The following TRMT11 variants were observed in gnomAD, a reference collection of about 807,000 sequenced individuals.
The protein encoded by TRMT11 is tRNA (guanine(10)-N(2))-methyltransferase TRMT11.
Under a neutral mutation model 62.8 loss-of-function variants are expected in TRMT11, and 53 were observed. The observed-to-expected ratio is 0.84, with a 90% confidence interval of 0.68 to 1.06. The LOEUF (loss-of-function observed/expected upper bound fraction) is 1.06, where lower values mean the gene tolerates loss of function less well. Ranked by LOEUF, TRMT11 falls within the 50% of genes least tolerant of loss-of-function variation. The pLI, the probability that TRMT11 is intolerant of heterozygous loss-of-function variation, is 0.00. For synonymous variants in TRMT11, 188 were observed against 190.3 expected (o/e 0.99, Z 0.10); for missense variants, 556 against 553.4 (o/e 1.00, Z -0.05).
intron 12 of TRMT11, among the ~76,000 whole-genome samples, chr6:126,038,487 T>G (rs758793454): frequency 1.7e-4 from 26 of 150,304 alleles, no homozygotes; most frequent in Admixed American, 2.0e-4. Context: ...TACAGAGGTC[T>G]TTTGTGAGGC....
intron 9 of TRMT11, 81 bp downstream of exon 9, chr6:126,011,498 A>G (rs1035632509): frequency 9.7e-6 from 12 of 1,232,762 alleles, no homozygotes; most frequent in Admixed American, 2.3e-5. Context: ...ATTTACCAAC[A>G]CATGCACAAA....
At chr6:126,207,265 G>C (rs561046095), downstream of TRMT11, among the ~76,000 whole-genome samples, 23 of 152,258 alleles carry the variant, frequency 1.5e-4, no homozygotes, top group South Asian at 1.2e-3. Context: ...GAATTGTTTT[G>C]TTTGGAGGTG....
the TRMT11 span, among the ~76,000 whole-genome samples, chr6:126,269,965 T>A: frequency 6.6e-6 from 1 of 152,178 alleles, no homozygotes; most frequent in Non-Finnish European, 1.5e-5. Flanking sequence ...AGAACACTTC[T>A]CTGAGTATAC....
At chr6:126,219,996 C>A in the TRMT11 span, among the ~76,000 whole-genome samples, 8 of 152,104 alleles carry the variant, frequency 5.3e-5, no homozygotes, top group South Asian at 2.1e-4. Context: ...CTGGCTTATT[C>A]TTTGTGTAAC....
In TRMT11 at chr6:125,994,322, T is replaced by A. The variant is rs564525924; in HGVS notation, c.138+500T>A. Among the ~76,000 whole-genome samples, 437 of 152,232 alleles carry A rather than the reference T, an allele frequency of 2.9e-3. 1 individual carries two copies. The highest frequency in any genetic ancestry group is 9.8e-3 in the African/African-American group (408 of 41,550). Reference sequence around the variant, plus strand: ...GATGCTGCCTTCCAGTCTTTTTTTTTTTCGTGTACTTTTTTTTCCCTATTG... The same window carrying A: ...GATGCTGCCTTCCAGTCTTTTTTTTATTCGTGTACTTTTTTTTCCCTATTG... On this transcript the variant is annotated intron_variant, in intron 2 of 12. Coordinates refer to ENST00000334379, the MANE Select transcript of TRMT11 (RefSeq NM_001031712.3).
intron 16 of TRMT11, among the ~76,000 whole-genome samples, chr6:126,046,020 G>T (rs916199405): frequency 1.7e-4 from 26 of 152,012 alleles, no homozygotes; most frequent in African/African-American, 4.8e-4. Context: ...CTAGTATTTG[G>T]TCTTTTACTG....
intron 12 of TRMT11, among the ~76,000 whole-genome samples, chr6:126,038,443 A>AAG (rs1436385973): frequency 4.0e-5 from 6 of 150,248 alleles, no homozygotes; most frequent in African/African-American, 1.5e-4. Context: ...GAGGCAAAAA[A>AAG]AAAAAAAAAA....
chr6:126,258,633 A>G, the TRMT11 span, among the ~76,000 whole-genome samples: 700 of 152,222 alleles, frequency 4.6e-3, 5 homozygotes, highest in African/African-American at 0.015. Context: ...GAACTTATCC[A>G]TTTCTTCTAT....
intron 17 of TRMT11, among the ~76,000 whole-genome samples, chr6:126,079,153 A>C (rs913298883): frequency 2.3e-4 from 35 of 152,152 alleles, no homozygotes; most frequent in African/African-American, 8.0e-4. Flanking sequence ...TAAACATGAA[A>C]ATCCCAGGAC....
chr6:126,092,819 C>T (rs1268861195), intron 17 of TRMT11, among the ~76,000 whole-genome samples: 1 of 152,072 alleles, frequency 6.6e-6, no homozygotes, highest in African/African-American at 2.4e-5. Flanking sequence ...TATTTGCTGG[C>T]TGATCAATTG....
chr6:126,222,262 C>A, the TRMT11 span, among the ~76,000 whole-genome samples: 1 of 152,024 alleles, frequency 6.6e-6, no homozygotes, highest in Non-Finnish European at 1.5e-5. Context: ...CTGCTTTGTT[C>A]TTTTTGCTTA....
rs947063505 is a variant in TRMT11, at chr6:126,129,326, G to A, written c.*1823+13471G>A. Reference sequence around the variant, plus strand: ...TAGTGTTGTGATTAGGATTAAATGAGTTAATGCATGTGAAGTGTTGGAACA... The same window carrying A: ...TAGTGTTGTGATTAGGATTAAATGAATTAATGCATGTGAAGTGTTGGAACA... On this transcript the variant is annotated intron_variant and NMD_transcript_variant, in intron 21 of 22. Transcript: ENST00000648977. Among the ~76,000 whole-genome samples the A allele has an allele frequency of 2.3e-4, 35 of 152,076 alleles. 1 individual carries two copies. Among genetic ancestry groups the A allele is most frequent in the Admixed American group, 2.1e-3 (32 of 15,266 alleles).
At chr6:126,068,814 TTTTC>T (rs1375425055) in intron 17 of TRMT11, among the ~76,000 whole-genome samples, 1 of 152,216 alleles carries the variant, frequency 6.6e-6, no homozygotes, top group African/African-American at 2.4e-5. Flanking sequence ...ATCCATCTTT[TTTTC>T]TTTCTGTTTT....
chr6:126,082,959 T>C (rs1217864967), intron 17 of TRMT11, among the ~76,000 whole-genome samples: 1 of 152,078 alleles, frequency 6.6e-6, no homozygotes, highest in Admixed American at 6.6e-5. Context: ...GCAAACCACA[T>C]ATCTCATAAG....
At chr6:126,133,147 G>A (rs138895825) in intron 21 of TRMT11, among the ~76,000 whole-genome samples, 3,028 of 152,054 alleles carry the variant, frequency 0.02, 42 homozygotes, top group Middle Eastern at 0.082. Context: ...AATTGAGAAT[G>A]TACAAGGTTT....
the TRMT11 span, among the ~76,000 whole-genome samples, chr6:126,249,457 A>G: frequency 1.3e-5 from 2 of 152,114 alleles, no homozygotes; most frequent in Non-Finnish European, 2.9e-5. Flanking sequence ...ATATTGTAAA[A>G]GCTGGTTTTG....
At chr6:126,069,229 A>G (rs1776777123) in intron 17 of TRMT11, among the ~76,000 whole-genome samples, 1 of 152,216 alleles carries the variant, frequency 6.6e-6, no homozygotes, top group Non-Finnish European at 1.5e-5. Context: ...GCCACATGCT[A>G]CAACAGCAGT....
chr6:126,176,398 T>A (rs1731126150), upstream of TRMT11, among the ~76,000 whole-genome samples: 3 of 148,010 alleles, frequency 2.0e-5, no homozygotes, highest in South Asian at 6.2e-4. Context: ...CATGACTCTA[T>A]AGTTCTTGGA....
At chr6:126,215,006 CTTGTTA>C in the TRMT11 span, among the ~76,000 whole-genome samples, 5 of 151,582 alleles carry the variant, frequency 3.3e-5, no homozygotes, top group East Asian at 9.6e-4. Context: ...CAGAATTCCT[CTTGTTA>C]TTATTTTCTG....
Sources: allele counts gnomAD v4.1 joint callset (sites outside exome capture counted in the v4.1 genomes callset), GRCh38; gene constraint gnomAD v4.1.1; transcripts MANE v1.5; gene names NCBI Gene and HGNC (gene_info 2026-07-23, HGNC 2026-07-21).